The following AXIN1 variants were observed in gnomAD, a reference collection of about 807,000 sequenced individuals.
The protein encoded by AXIN1 is axin 1, also known as axin-1.
AXIN1 carries 30 observed loss-of-function variants against 76.4 expected under a neutral mutation model. That is an observed-to-expected ratio of 0.39 (90% CI 0.29 to 0.53). AXIN1 has a LOEUF of 0.53. Among genes scored for constraint, AXIN1 ranks in the 20% least tolerant of loss-of-function variants. AXIN1 has a pLI of 0.66. For synonymous variants in AXIN1, 545 were observed against 501.4 expected, an observed-to-expected ratio of 1.09 and a Z score of -1.16; for missense variants, 1,140 against 1,198.8, an observed-to-expected ratio of 0.95 and a Z score of 0.72.
chr16:307,947 C>A (rs1487921806), intron 4 of AXIN1, among the ~76,000 whole-genome samples: 1 of 152,188 alleles, frequency 6.6e-6, no homozygotes, highest in Non-Finnish European at 1.5e-5. Context: ...TCACTTGGGC[C>A]TCTGGCTGAG....
chr16:346,268 A>G lies in AXIN1; in HGVS notation c.758T>C (p.Met253Thr). 1 of 1,614,124 alleles carries G rather than the reference A, an allele frequency of 6.2e-7. No homozygotes were observed. The highest frequency in any genetic ancestry group is 8.5e-7 in the Non-Finnish European group (1 of 1,180,006). The change falls in exon 2 of 11, where the codon ATG becomes ACG. Residue 253 changes from methionine to threonine, a missense_variant. By Grantham distance (81) the Met-to-Thr change is moderately conservative (BLOSUM62 -1). This residue lies in a region of AXIN1 where 708 missense variants were observed against 776.9 expected (regional missense o/e 0.91). Transcript: ENST00000262320. ...AGCGTCTCTGCCATCGTCCTCATCC[A>G]TGTCCTGGTCACACTTCCATTCCTC... is the stretch of plus-strand genomic sequence containing the variant. ...EDEEWKCDQD[M>T]DEDDGRDAAP...
intron 3 of AXIN1, among the ~76,000 whole-genome samples, chr16:311,377 A>G (rs1045741303): frequency 1.3e-5 from 2 of 152,164 alleles, no homozygotes; most frequent in African/African-American, 4.8e-5. Context: ...TTAAAACACG[A>G]AAGTCAGATT....
At chr16:328,463 C>A (rs1206426450) in intron 2 of AXIN1, among the ~76,000 whole-genome samples, 1 of 151,506 alleles carries the variant, frequency 6.6e-6, no homozygotes, top group Non-Finnish European at 1.5e-5. Flanking sequence ...TGGGAGGCCG[C>A]GGCGGGCGGA....
intron 2 of AXIN1, among the ~76,000 whole-genome samples, chr16:335,611 G>A (rs1165869927): frequency 1.3e-5 from 2 of 151,228 alleles, no homozygotes; most frequent in Non-Finnish European, 2.9e-5. Context: ...ACAACACCCA[G>A]TACCATGGCA....
chr16:325,271 T>G (rs937818671), intron 2 of AXIN1, among the ~76,000 whole-genome samples: 3 of 151,658 alleles, frequency 2.0e-5, no homozygotes, highest in Non-Finnish European at 4.4e-5. Flanking sequence ...TCTAGAATTC[T>G]GTATAAACGC....
chr16:335,742 G>A (rs1376183750), intron 2 of AXIN1, among the ~76,000 whole-genome samples: 1 of 152,122 alleles, frequency 6.6e-6, no homozygotes, highest in Non-Finnish European at 1.5e-5. Flanking sequence ...AACCAGAGTG[G>A]GAATATGGAA....
At chr16:302,597 A>G (rs896277506) in intron 5 of AXIN1, among the ~76,000 whole-genome samples, 1 of 152,156 alleles carries the variant, frequency 6.6e-6, no homozygotes, top group Non-Finnish European at 1.5e-5. Context: ...GGGCACCACC[A>G]GCGGCACCCT....
chr16:311,497 C>T (rs1206281598), intron 3 of AXIN1, among the ~76,000 whole-genome samples: 2 of 151,634 alleles, frequency 1.3e-5, no homozygotes, highest in African/African-American at 2.4e-5. Flanking sequence ...TCGGGCTGGG[C>T]GCAGTGGCTC....
chr16:303,258 G>C (rs1330645271), intron 5 of AXIN1, among the ~76,000 whole-genome samples: 3 of 152,178 alleles, frequency 2.0e-5, no homozygotes, highest in African/African-American at 7.2e-5. Context: ...CACTGGGGTG[G>C]AGCCACAGAA....
chr16:339,870 T>TG (rs576713538), intron 2 of AXIN1, among the ~76,000 whole-genome samples: 213 of 152,174 alleles, frequency 1.4e-3, no homozygotes, highest in Non-Finnish European at 1.4e-3. Flanking sequence ...GACCCCACCC[T>TG]GGGCCACACC....
chr16:341,757 A>T (rs1337937225), intron 2 of AXIN1, among the ~76,000 whole-genome samples: 1 of 152,202 alleles, frequency 6.6e-6, no homozygotes, highest in Non-Finnish European at 1.5e-5. Flanking sequence ...AGGGACTGTA[A>T]ATACACCAAT....
intron 2 of AXIN1, among the ~76,000 whole-genome samples, chr16:341,883 T>C (rs1005610564): frequency 2.0e-5 from 3 of 152,236 alleles, no homozygotes; most frequent in African/African-American, 7.2e-5. Flanking sequence ...TGGTGGGGAC[T>C]TGGAGAACCT....
chr16:289,730 T>G (rs1296729335), intron 9 of AXIN1, 123 bp from the exon 10 acceptor site: 5 of 1,242,776 alleles, frequency 4.0e-6, no homozygotes, highest in Non-Finnish European at 5.7e-6. Flanking sequence ...AGCACCCCAT[T>G]CAAACACCTG....
At chr16:334,987 G>A (rs1490934675) in intron 2 of AXIN1, among the ~76,000 whole-genome samples, 2 of 152,094 alleles carry the variant, frequency 1.3e-5, no homozygotes, top group Admixed American at 1.3e-4. Flanking sequence ...TTTAAAAGGA[G>A]TTTCACTTTA....
At chr16:310,521 T>G (rs540599375) in intron 3 of AXIN1, among the ~76,000 whole-genome samples, 39 of 152,118 alleles carry the variant, frequency 2.6e-4, no homozygotes, top group Non-Finnish European at 1.5e-4. Flanking sequence ...CTCAGCCTCC[T>G]GAGTAGCTGG....
At chr16:349,960 C>T (rs145443356) in intron 1 of AXIN1, among the ~76,000 whole-genome samples, 145 of 152,216 alleles carry the variant, frequency 9.5e-4, no homozygotes, top group African/African-American at 3.2e-3. Flanking sequence ...CATCAACGCC[C>T]GGCTAATTAC....
chr16:345,055 A>G (rs1017522028), intron 2 of AXIN1, among the ~76,000 whole-genome samples: 2 of 151,392 alleles, frequency 1.3e-5, no homozygotes, highest in Non-Finnish European at 2.9e-5. Flanking sequence ...AAAGAGTGGG[A>G]AATGCATGCG....
intron 3 of AXIN1, among the ~76,000 whole-genome samples, chr16:314,092 C>A (rs2141590199): frequency 1.3e-5 from 2 of 152,346 alleles, no homozygotes; most frequent in Admixed American, 1.3e-4. Context: ...TAAGCTGAAA[C>A]CCCAGACTCT....
At chr16:318,472 A>T (rs1383266495) in intron 2 of AXIN1, among the ~76,000 whole-genome samples, 1 of 152,186 alleles carries the variant, frequency 6.6e-6, no homozygotes, top group Non-Finnish European at 1.5e-5. Context: ...CCTGGCTCTC[A>T]GGATCTGCCC....
Sources: gnomAD v4.1 joint callset for allele counts (sites outside exome capture counted in the v4.1 genomes callset) on GRCh38, gnomAD v4.1.1 for gene constraint, gnomAD v4.1.1 regional missense constraint, MANE v1.5 for transcripts, NCBI Gene and HGNC (gene_info 2026-07-23, HGNC 2026-07-21) for gene names.